The following POGK variants were observed in gnomAD, a reference collection of about 807,000 sequenced individuals.
POGK encodes pogo transposable element derived with KRAB domain, also known as pogo transposable element with KRAB domain.
POGK carries 16 observed loss-of-function variants against 54.4 expected under a neutral mutation model. The observed-to-expected ratio is 0.29, with a 90% CI of 0.20 to 0.45. The LOEUF (loss-of-function observed/expected upper bound fraction) is 0.45, where lower values mean the gene tolerates loss of function less well. Ranked by LOEUF, POGK falls within the 20% of genes least tolerant of loss-of-function variation. The pLI is 1.00. For missense variants in POGK, 515 were observed against 795.6 expected (o/e 0.65, Z 4.24); for synonymous variants, 271 against 302.2 (o/e 0.90, Z 1.07).
At position 166,855,272 on chromosome 1, in the gene POGK, TAA is replaced by T. The variant is rs1571234108; in HGVS notation, c.*2703_*2704del. On this transcript the variant is annotated 3_prime_UTR_variant, in exon 6 of 6. Coordinates refer to ENST00000367876, the MANE Select transcript of POGK (RefSeq NM_017542.5). ...AGTGATAAATTCCTGCAGGAAAAAA[TAA>T]GTTTTATTCTAAGTCTGAAATTATA... The T allele has an allele frequency of 6.6e-6, 1 of 152,004 alleles. No homozygotes were observed. The highest frequency in any genetic ancestry group is 2.4e-5 in the African/African-American group (1 of 41,370). 9.4% of individuals were successfully genotyped at this position (152,004 alleles called of 1,614,324 possible).
At position 166,841,058 on chromosome 1, in the gene POGK, G is replaced by C; in HGVS notation, c.102G>C (p.Gln34His). 1 of 1,614,014 alleles carries C rather than the reference G, an allele frequency of 6.2e-7. No individual in the cohort carries two copies. Among genetic ancestry groups the C allele is most frequent in the South Asian group, 1.1e-5 (1 of 91,074 alleles). ...RELEDGPADMQKVRICSEGGW... is the reference protein window; with the variant it reads ...RELEDGPADMHKVRICSEGGW... ...TAGAGGACGGCCCGGCAGACATGCAGAAAGTACGAATCTGCTCTGAGGGCG... is the reference window on the plus strand; with the variant it reads ...TAGAGGACGGCCCGGCAGACATGCACAAAGTACGAATCTGCTCTGAGGGCG... Residue 34 changes from glutamine to histidine, a missense_variant, in exon 2 of 6, where the codon CAG becomes CAC. Physicochemically the swap from Gln to His is conservative, Grantham distance 24 (BLOSUM62 0). Coordinates refer to ENST00000367876, the MANE Select transcript of POGK (RefSeq NM_017542.5).
chr1:166,846,830 C>A (rs1657868419), intron 3 of POGK, 92 bp downstream of exon 3: 1 of 1,510,984 alleles, frequency 6.6e-7, no homozygotes, highest in South Asian at 1.2e-5. Flanking sequence ...ATGTCCCTCT[C>A]TCCTGAACTT....
intron 3 of POGK, among the ~76,000 whole-genome samples, chr1:166,847,128 A>G (rs1386452227): frequency 6.6e-6 from 1 of 152,124 alleles, no homozygotes; most frequent in East Asian, 1.9e-4. Flanking sequence ...CCTCTCCCCA[A>G]CTTCCACCCC....
intron 2 of POGK, among the ~76,000 whole-genome samples, chr1:166,845,868 G>C (rs1386633904): frequency 2.6e-5 from 4 of 152,226 alleles, no homozygotes; most frequent in Non-Finnish European, 4.4e-5. Flanking sequence ...GAACAGGGGA[G>C]GGATGCAGTC....
intron 1 of POGK, 38 bp downstream of exon 1, chr1:166,839,642 C>T (rs1263001857): frequency 6.9e-6 from 1 of 144,284 alleles, no homozygotes; most frequent in African/African-American, 2.5e-5. Flanking sequence ...CGGCGCGGCC[C>T]CTCCCCCGGG....
rs561756564 is a variant in POGK at position 166,841,562 on chromosome 1, G to A, written c.132+474G>A. ...TCCAGCTGACCTGGATAGAAATGGT[G>A]GGCAGCAGGGAATACAGAGATTCAG... On this transcript the variant is annotated intron_variant, in intron 2 of 5. Transcript: ENST00000367876. 3.3e-5 allele frequency among the ~76,000 whole-genome samples: 5 copies of A among 152,282 alleles called. No homozygotes were observed. In the East Asian group the frequency reaches 7.7e-4, roughly 24 times the overall value.
At chr1:166,842,214 T>C (rs147257398) in intron 2 of POGK, among the ~76,000 whole-genome samples, 14 of 152,234 alleles carry the variant, frequency 9.2e-5, no homozygotes, top group African/African-American at 3.4e-4. Context: ...ACCCAGAACA[T>C]CTAAATGGAG....
chr1:166,850,220 T>C lies in POGK; in HGVS notation c.1641T>C (p.Phe547=), dbSNP rs1274766023. The part of the protein sequence containing the change: ...GNAKKPPLGL[F]LEWVMVAWNS... ...CTAAGAAGCCACCCCTGGGCCTCTT[T>C]CTGGAGTGGGTCATGGTCGCGTGGA... Residue 547 remains phenylalanine (F), a synonymous_variant, in exon 5 of 6, where the codon TTT becomes TTC. Transcript: ENST00000367876. The C allele has an allele frequency of 1.3e-6, 2 of 1,555,094 alleles. No individual in the cohort carries two copies. Among genetic ancestry groups the C allele is most frequent in the East Asian group, 2.4e-5 (1 of 41,134 alleles).
chr1:166,849,037 G>T lies in POGK; in HGVS notation c.458G>T (p.Arg153Leu). 5 of 1,614,124 alleles carry T rather than the reference G, an allele frequency of 3.1e-6. No individual in the cohort carries two copies. The highest frequency in any genetic ancestry group is 4.2e-6 in the Non-Finnish European group (5 of 1,180,030). Residue 153 changes from arginine to leucine, a missense_variant, in exon 5 of 6, where the codon CGT becomes CTT. Coordinates refer to ENST00000367876, the MANE Select transcript of POGK (RefSeq NM_017542.5). ...QPQHFDSFGL[R>L]LPRDITELPE... Reference sequence around the variant, plus strand: ...CAGCACTTTGACAGCTTTGGCCTCCGTCTGCCTCGGGATATCACAGAGCTG... The same window carrying T: ...CAGCACTTTGACAGCTTTGGCCTCCTTCTGCCTCGGGATATCACAGAGCTG...
intron 2 of POGK, among the ~76,000 whole-genome samples, chr1:166,843,977 T>C (rs890315602): frequency 1.3e-5 from 2 of 152,210 alleles, no homozygotes; most frequent in African/African-American, 4.8e-5. Flanking sequence ...TCTGCTATGT[T>C]GAGCCAGATA....
chr1:166,849,293 G>A lies in POGK; in HGVS notation c.714G>A (p.Lys238=). Residue 238 remains lysine, a synonymous_variant, in exon 5 of 6, where the codon AAG becomes AAA. Coordinates refer to ENST00000367876, the MANE Select transcript of POGK (RefSeq NM_017542.5). ...EKNVRDWRKV[K]PQLQNAHAMR... Reference sequence around the variant, plus strand: ...ACGTTCGAGACTGGCGCAAAGTGAAGCCACAGCTTCAAAACGCCCACGCCA... The same window carrying A: ...ACGTTCGAGACTGGCGCAAAGTGAAACCACAGCTTCAAAACGCCCACGCCA... 1.9e-6 allele frequency: 3 copies of A among 1,614,212 alleles called. No individual in the cohort carries two copies. The highest frequency in any genetic ancestry group is 2.5e-6 in the Non-Finnish European group (3 of 1,180,048).
At position 166,842,820 on chromosome 1, in the gene POGK, G is replaced by A. The variant is rs1213707409; in HGVS notation, c.132+1732G>A. ...CCAGGGGAGCTGCTAGATATCTACA[G>A]TGCACAGGATGCCCCCCCACCACCA... On this transcript the variant is annotated intron_variant, in intron 2 of 5. Transcript: ENST00000367876. Among the ~76,000 whole-genome samples the A allele has an allele frequency of 2.0e-5, 3 of 152,138 alleles. No homozygotes were observed. In the East Asian group the frequency reaches 5.8e-4, roughly 29 times the overall value.
In POGK at chr1:166,853,096, C is replaced by T. The variant is rs573166382; in HGVS notation, c.*526C>T. 1.3e-5 allele frequency: 2 copies of T among 152,434 alleles called. No homozygotes were observed. The highest frequency in any genetic ancestry group is 2.9e-5 in the Non-Finnish European group (2 of 68,030). 9.4% of individuals were successfully genotyped at this position (152,434 alleles called of 1,614,324 possible). On this transcript the variant is annotated 3_prime_UTR_variant, in exon 6 of 6. Coordinates refer to ENST00000367876, the MANE Select transcript of POGK (RefSeq NM_017542.5). ...GAGAAGGCTTTGTAGAAATGTGTCA[C>T]CTATGTACACCTGCTACTTACACAT...
In POGK at chr1:166,854,383, T is replaced by C. The variant is rs1000034282; in HGVS notation, c.*1813T>C. On this transcript the variant is annotated 3_prime_UTR_variant, in exon 6 of 6. Transcript: ENST00000367876. ...CTATTTTGCAGAATGGCTGTTACCC[T>C]AGAATTACTATAGCACATATTGAGA... 4 of 152,660 alleles carry C rather than the reference T, an allele frequency of 2.6e-5. No homozygotes were observed. Among genetic ancestry groups the C allele is most frequent in the African/African-American group, 9.6e-5 (4 of 41,456 alleles). 9.5% of individuals were successfully genotyped at this position (152,660 alleles called of 1,614,324 possible).
Position 166,840,813 on chromosome 1 carries a change from C to T in POGK, c.-2-142C>T, listed in dbSNP as rs555971122. 1.0e-3 allele frequency: 1,074 copies of T among 1,025,758 alleles called. 2 individuals are homozygous for T. Among genetic ancestry groups the T allele is most frequent in the Non-Finnish European group, 1.4e-3 (1,018 of 702,660 alleles). The allele number at this position is 1,025,758 out of a possible 1,614,324, so 63.5% of individuals were successfully genotyped here. On this transcript the variant is annotated intron_variant, in intron 1 of 5. Transcript: ENST00000367876. ...ACATGTCACCCTGTAGCTTCCTGGC[C>T]GACTCTTGTTTCCTTACTTCCCTCC...
rs1016995970 is a variant in POGK, at chr1:166,853,865, T to G, written c.*1295T>G. On this transcript the variant is annotated 3_prime_UTR_variant, in exon 6 of 6. Coordinates refer to ENST00000367876, the MANE Select transcript of POGK (RefSeq NM_017542.5). ...CACCTTTCTGATCCTTTTCAACCAG[T>G]TTTCCCCCAAGGGGGGAAATTTTAC... is the stretch of plus-strand genomic sequence containing the variant. 1 of 152,240 alleles carries G rather than the reference T, an allele frequency of 6.6e-6. No individual in the cohort carries two copies. Among genetic ancestry groups the G allele is most frequent in the Non-Finnish European group, 1.5e-5 (1 of 68,044 alleles). The allele number at this position is 152,240 out of a possible 1,614,324, so 9.4% of individuals were successfully genotyped here.
chr1:166,856,176 A>AAATT lies in POGK; in HGVS notation c.*3607_*3610dup, dbSNP rs1658265675. 6.6e-6 allele frequency: 1 copy of AAATT among 151,980 alleles called. No individual in the cohort carries two copies. Among genetic ancestry groups the AAATT allele is most frequent in the Admixed American group, 6.6e-5 (1 of 15,248 alleles). 9.4% of individuals were successfully genotyped at this position (151,980 alleles called of 1,614,324 possible). A position where few individuals can be genotyped will look rare whatever the true frequency, so the allele number is the denominator to read the frequency against. On this transcript the variant is annotated 3_prime_UTR_variant, in exon 6 of 6. Coordinates refer to ENST00000367876, the MANE Select transcript of POGK (RefSeq NM_017542.5). ...AAAACCGTGTCTTTACAAAAAAAAA[A>AAATT]AATTTTAAATTAGCCGGGCATGGTG...
At chr1:166,840,841 C>A in intron 1 of POGK, 114 bp from the exon 2 acceptor site, 1 of 1,321,266 alleles carries the variant, frequency 7.6e-7, no homozygotes, top group Non-Finnish European at 1.0e-6. Context: ...TTCCCTCCAG[C>A]GGGAACAGTG....
chr1:166,852,169 A>G (rs1224403133), intron 5 of POGK: 4 of 152,164 alleles, frequency 2.6e-5, no homozygotes. Context: ...TATCAAACTG[A>G]ATTACATTGA....
Sources: gnomAD v4.1 joint callset for allele counts (sites outside exome capture counted in the v4.1 genomes callset) on GRCh38, gnomAD v4.1.1 for gene constraint, MANE v1.5 for transcripts, NCBI Gene and HGNC (gene_info 2026-07-23, HGNC 2026-07-21) for gene names.